SATB2: variants seen among roughly 807,000 people sequenced by gnomAD.
The protein encoded by SATB2 is SATB homeobox 2.
In SATB2, 1 loss-of-function variant was observed where a neutral mutation model predicts 73.4. The ratio of observed to expected loss-of-function variants is 0.01; its 90% confidence interval spans 0.00 to 0.06. SATB2 has a LOEUF of 0.06. SATB2 is among the 10% of genes least tolerant of loss of function. The pLI, the probability that SATB2 is intolerant of heterozygous loss-of-function variation, is 1.00. For synonymous variants in SATB2, 397 were observed against 367.0 expected, an observed-to-expected ratio of 1.08 and a Z score of -0.93; for missense variants, 459 against 945.8, an observed-to-expected ratio of 0.49 and a Z score of 6.75.
intron 5 of SATB2, among the ~76,000 whole-genome samples, chr2:199,372,760 T>C (rs1286037864): frequency 1.3e-5 from 2 of 151,978 alleles, no homozygotes; most frequent in African/African-American, 4.8e-5. Context: ...AAAAACAAGG[T>C]AACAACAGCA....
rs746240750 is a variant in SATB2, at chr2:199,381,757, G to A, written c.410C>T (p.Ala137Val). Residue 137 changes from alanine (A) to valine (V), a missense_variant, in exon 4 of 11, where the codon GCG (alanine) becomes GTG (valine). Coordinates refer to ENST00000417098, the MANE Select transcript of SATB2 (RefSeq NM_001172509.2). ...ATCTTGTAGCATGTCGGCCACTGTC[G>A]CGTCGGGTGCATCTGTCACATAACT... ...PLSYVTDAPD[A>V]TVADMLQDVY... is the part of the protein sequence containing the mutation. The A allele has an allele frequency of 8.7e-6, 14 of 1,613,964 alleles. No individual in the cohort carries two copies. The highest frequency in any genetic ancestry group is 1.1e-5 in the Non-Finnish European group (13 of 1,179,970).
chr2:199,323,986 T>C (rs1358361326), intron 8 of SATB2, 28 bp from the exon 9 acceptor site: 1 of 1,612,684 alleles, frequency 6.2e-7, no homozygotes, highest in Non-Finnish European at 8.5e-7. Context: ...AAATAATAAT[T>C]TAAAAAGTGC....
In SATB2 at chr2:199,314,364, CA is replaced by C. The variant is rs372565214; in HGVS notation, c.1543-5408del. 3.8e-3 allele frequency among the ~76,000 whole-genome samples: 580 copies of C among 151,438 alleles called. 6 individuals are homozygous for C. The highest frequency in any genetic ancestry group is 0.013 in the African/African-American group (548 of 40,750). On this transcript the variant is annotated intron_variant, in intron 9 of 10. Transcript: ENST00000417098. ...TCAGAAAGTTATTGTTTGAGAGAAG[CA>C]CCAATTCTCAGAAGCAACTTTGTCA...
intron 7 of SATB2, chr2:199,347,238 A>T (rs887090296): frequency 2.6e-5 from 4 of 152,174 alleles, no homozygotes; most frequent in Non-Finnish European, 4.4e-5. Context: ...TTGAGGTTTC[A>T]ATCCAGCATG....
At chr2:199,399,300 T>G (rs1369021473) in intron 3 of SATB2, among the ~76,000 whole-genome samples, 2 of 152,068 alleles carry the variant, frequency 1.3e-5, no homozygotes, top group Non-Finnish European at 2.9e-5. Flanking sequence ...TTAATTTAAT[T>G]TAAAAGATTT....
intron 9 of SATB2, among the ~76,000 whole-genome samples, chr2:199,314,025 C>T (rs559357182): frequency 1.3e-5 from 2 of 152,284 alleles, no homozygotes; most frequent in South Asian, 4.2e-4. Context: ...CCATGAGAAG[C>T]TGTACTTCAA....
At chr2:199,282,810 C>T (rs185613919) in intron 10 of SATB2, among the ~76,000 whole-genome samples, 1 of 152,286 alleles carries the variant, frequency 6.6e-6, no homozygotes, top group Admixed American at 6.5e-5. Context: ...CTACTGATAA[C>T]TTTTCTTATT....
intron 3 of SATB2, among the ~76,000 whole-genome samples, chr2:199,399,581 T>C (rs1246533324): frequency 4.6e-5 from 7 of 152,212 alleles, no homozygotes; most frequent in Non-Finnish European, 7.3e-5. Context: ...AAAAGTTTCA[T>C]TGGCTCACGG....
chr2:199,425,264 A>C (rs1459514959), intron 3 of SATB2, among the ~76,000 whole-genome samples: 1 of 152,234 alleles, frequency 6.6e-6, no homozygotes, highest in Non-Finnish European at 1.5e-5. Flanking sequence ...TTTTACGTGA[A>C]TGTCTCAGAT....
chr2:199,422,851 T>C (rs1310624855), intron 3 of SATB2, among the ~76,000 whole-genome samples: 1 of 152,190 alleles, frequency 6.6e-6, no homozygotes, highest in Non-Finnish European at 1.5e-5. Context: ...ATTATAGCCA[T>C]AATATGTCTA....
At chr2:199,405,313 A>G (rs1690598043) in intron 3 of SATB2, among the ~76,000 whole-genome samples, 1 of 152,202 alleles carries the variant, frequency 6.6e-6, no homozygotes, top group Admixed American at 6.5e-5. Context: ...ATAGAAGCCA[A>G]TGACAAATGG....
intron 3 of SATB2, among the ~76,000 whole-genome samples, chr2:199,420,622 A>G (rs1339955529): frequency 6.6e-6 from 1 of 152,182 alleles, no homozygotes; most frequent in African/African-American, 2.4e-5. Flanking sequence ...TTAAATTAAT[A>G]TCTGCCAAGA....
At chr2:199,327,516 T>C (rs1483123901) in intron 8 of SATB2, among the ~76,000 whole-genome samples, 1 of 152,108 alleles carries the variant, frequency 6.6e-6, no homozygotes, top group Non-Finnish European at 1.5e-5. Context: ...CCTGCAACTA[T>C]CATAGCAACA....
At chr2:199,451,424 T>A (rs1265983079) in intron 2 of SATB2, among the ~76,000 whole-genome samples, 1 of 150,668 alleles carries the variant, frequency 6.6e-6, no homozygotes, top group Non-Finnish European at 1.5e-5. Flanking sequence ...CCTAAGTTCA[T>A]TCTATTTAAA....
chr2:199,291,380 C>T (rs1692852800), intron 10 of SATB2, among the ~76,000 whole-genome samples: 1 of 152,082 alleles, frequency 6.6e-6, no homozygotes, highest in African/African-American at 2.4e-5. Context: ...GCATCTGAAA[C>T]TGAATAAATA....
At chr2:199,369,005 C>A (rs1216999437) in intron 5 of SATB2, 1 of 285,086 alleles carries the variant, frequency 3.5e-6, no homozygotes, top group Non-Finnish European at 6.7e-6. Context: ...GGAACCAGAG[C>A]AAAAGGTGAG....
upstream of SATB2, among the ~76,000 whole-genome samples, chr2:199,462,866 C>T (rs1245581930): frequency 1.3e-5 from 2 of 151,342 alleles, no homozygotes; most frequent in African/African-American, 4.8e-5. This position sits in a 1 kb window ranked among gnomAD's most constrained non-coding sequence, Gnocchi z 5.9. Context: ...GGGTCTGGGG[C>T]TAGTGGGGCC....
At chr2:199,422,258 T>C (rs577983623) in intron 3 of SATB2, among the ~76,000 whole-genome samples, 1 of 152,010 alleles carries the variant, frequency 6.6e-6, no homozygotes, top group South Asian at 2.1e-4. Flanking sequence ...TCTAGAATGG[T>C]TGGTTCATGA....
chr2:199,286,546 C>T lies in SATB2; in HGVS notation c.1741-13874G>A, dbSNP rs550549879. Among the ~76,000 whole-genome samples the T allele has an allele frequency of 9.2e-5, 14 of 152,176 alleles. 1 individual carries two copies. The highest frequency in any genetic ancestry group is 2.0e-4 in the Admixed American group (3 of 15,288). ...GAAGACCGGACCCTTTAGGACAGTC[C>T]GGGCTATGACCATGTGTCCTTATGC... On this transcript the variant is annotated intron_variant, in intron 10 of 10. Transcript: ENST00000417098.
Sources: gnomAD v4.1 joint callset for allele counts (sites outside exome capture counted in the v4.1 genomes callset) on GRCh38, gnomAD v4.1.1 for gene constraint, Gnocchi (gnomAD v3.1) non-coding constraint, MANE v1.5 for transcripts, NCBI Gene and HGNC (gene_info 2026-07-23, HGNC 2026-07-21) for gene names.